UGT8: variants seen among roughly 807,000 people sequenced by gnomAD.
UGT8 encodes the protein 2-hydroxyacylsphingosine 1-beta-galactosyltransferase.
A neutral mutation model predicts 40.5 loss-of-function variants in UGT8; 12 were observed. That is an observed-to-expected ratio of 0.30 (90% confidence interval 0.19 to 0.48). The LOEUF (loss-of-function observed/expected upper bound fraction) is 0.48, where lower values mean the gene tolerates loss of function less well. UGT8 is among the 20% of genes least tolerant of loss of function. The probability of loss-of-function intolerance (pLI) is 0.99; values close to 1 mark genes in which losing one functional copy is unlikely to be tolerated. For missense variants in UGT8, 513 were observed against 648.7 expected, an observed-to-expected ratio of 0.79 and a Z score of 2.27; for synonymous variants, 224 against 240.4, an observed-to-expected ratio of 0.93 and a Z score of 0.63.
At chr4:114,619,785 G>A (rs941070111) in intron 1 of UGT8, among the ~76,000 whole-genome samples, 2 of 151,836 alleles carry the variant, frequency 1.3e-5, no homozygotes, top group Non-Finnish European at 2.9e-5. Flanking sequence ...AATGAAATCA[G>A]GAGAATACTT....
intron 2 of UGT8, among the ~76,000 whole-genome samples, chr4:114,653,116 A>G (rs903905264): frequency 3.9e-5 from 6 of 152,024 alleles, no homozygotes; most frequent in African/African-American, 1.4e-4. Context: ...AGATTATGAA[A>G]AGTGGGGAGT....
rs1373565465 is a variant in UGT8, at chr4:114,664,193, T to C, written c.965+56T>C. On this transcript the variant is annotated intron_variant, in intron 3 of 5. Transcript: ENST00000310836. Reference sequence around the variant, plus strand: ...TATTGACAATCAATATCTCCTTGTTTAGTGCACAGGTCCCAGTAAAGCACA... The same window carrying C: ...TATTGACAATCAATATCTCCTTGTTCAGTGCACAGGTCCCAGTAAAGCACA... 3 of 1,584,554 alleles carry C rather than the reference T, an allele frequency of 1.9e-6. No individual in the cohort carries two copies. The African/African-American group carries it at 4.0e-5, about 21-fold the overall frequency.
chr4:114,652,147 G>T (rs1733927500), intron 2 of UGT8, among the ~76,000 whole-genome samples: 1 of 152,084 alleles, frequency 6.6e-6, no homozygotes, highest in South Asian at 2.1e-4. Flanking sequence ...CATTTCAACT[G>T]ACCTGGAAGG....
chr4:114,674,207 C>T (rs1735475793), intron 5 of UGT8, among the ~76,000 whole-genome samples: 1 of 152,148 alleles, frequency 6.6e-6, no homozygotes, highest in Non-Finnish European at 1.5e-5. Context: ...TCTAGTGGCT[C>T]TCTCGACCTT....
chr4:114,648,003 G>A (rs1346246022), intron 2 of UGT8, among the ~76,000 whole-genome samples: 2 of 152,046 alleles, frequency 1.3e-5, no homozygotes, highest in Non-Finnish European at 2.9e-5. Flanking sequence ...ATGTCAGTTC[G>A]GTGCACTGTT....
chr4:114,645,277 A>C (rs915085456), intron 2 of UGT8, among the ~76,000 whole-genome samples: 3 of 152,202 alleles, frequency 2.0e-5, no homozygotes, highest in Admixed American at 2.0e-4. Context: ...AGTGCTTACC[A>C]TGAAGAAGTG....
In UGT8 at chr4:114,624,338, T is replaced by C. The variant is rs556392555; in HGVS notation, c.822+636T>C. Among the ~76,000 whole-genome samples the C allele has an allele frequency of 4.6e-5, 7 of 152,370 alleles. No individual in the cohort carries two copies. In the South Asian group the frequency reaches 1.2e-3, roughly 27 times the overall value. The stretch of plus-strand genomic sequence containing the variant: ...CTATGTGAAACTTAAATTCTTTTTA[T>C]TGATTGAGCCAACAGTAAATCCCTT... On this transcript the variant is annotated intron_variant, in intron 2 of 5. Coordinates refer to ENST00000310836, the MANE Select transcript of UGT8 (RefSeq NM_001128174.3).
intron 2 of UGT8, among the ~76,000 whole-genome samples, chr4:114,659,897 G>T (rs1479987591): frequency 6.6e-6 from 1 of 152,146 alleles, no homozygotes; most frequent in African/African-American, 2.4e-5. Flanking sequence ...TAGATCATTG[G>T]AACAGAATAG....
intron 2 of UGT8, among the ~76,000 whole-genome samples, chr4:114,660,284 G>A (rs1228639721): frequency 2.0e-5 from 3 of 152,000 alleles, no homozygotes; most frequent in Non-Finnish European, 4.4e-5. Context: ...TCTTTAAAAT[G>A]AATTAAATAT....
At chr4:114,625,509 TAAAAA>T (rs767102968) in intron 2 of UGT8, among the ~76,000 whole-genome samples, 48 of 75,272 alleles carry the variant, frequency 6.4e-4, no homozygotes, top group Admixed American at 3.8e-3. Context: ...AGACCCTGTC[TAAAAA>T]AAAAAAAAAA....
intron 2 of UGT8, among the ~76,000 whole-genome samples, chr4:114,646,984 C>T (rs1216166004): frequency 6.6e-6 from 1 of 152,028 alleles, no homozygotes; most frequent in East Asian, 1.9e-4. Context: ...AGCATGTTTC[C>T]GTCACTCGGA....
chr4:114,628,338 A>T (rs1455480941), intron 2 of UGT8, among the ~76,000 whole-genome samples: 1 of 151,864 alleles, frequency 6.6e-6, no homozygotes, highest in African/African-American at 2.4e-5. Flanking sequence ...CAGGGTTTCG[A>T]TATGTTGGCC....
chr4:114,620,438 G>A (rs1246864931), intron 1 of UGT8, among the ~76,000 whole-genome samples: 1 of 152,218 alleles, frequency 6.6e-6, no homozygotes, highest in Non-Finnish European at 1.5e-5. Context: ...GGCAACATTG[G>A]AGAGACACAT....
chr4:114,603,679 C>G (rs1730572486), intron 1 of UGT8, among the ~76,000 whole-genome samples: 1 of 152,074 alleles, frequency 6.6e-6, no homozygotes, highest in African/African-American at 2.4e-5. Context: ...AGCTCTGTGA[C>G]CTTGAGCTCA....
At chr4:114,650,427 G>A (rs1733833594) in intron 2 of UGT8, among the ~76,000 whole-genome samples, 1 of 152,124 alleles carries the variant, frequency 6.6e-6, no homozygotes, top group Admixed American at 6.6e-5. Context: ...CACATGCATA[G>A]CATTCCAATA....
intron 1 of UGT8, among the ~76,000 whole-genome samples, chr4:114,605,669 A>G (rs540896866): frequency 4.3e-4 from 66 of 152,170 alleles, no homozygotes; most frequent in Non-Finnish European, 8.7e-4. Context: ...CAAGTGAAAC[A>G]TCAAGTTTAA....
intron 2 of UGT8, among the ~76,000 whole-genome samples, chr4:114,626,541 A>G (rs945725989): frequency 3.3e-5 from 5 of 152,214 alleles, no homozygotes; most frequent in African/African-American, 1.2e-4. Context: ...ATCCTAAAGA[A>G]ATCCTGTAGA....
At chr4:114,661,797 T>C (rs1436750854) in intron 2 of UGT8, among the ~76,000 whole-genome samples, 3 of 152,206 alleles carry the variant, frequency 2.0e-5, no homozygotes, top group Admixed American at 2.0e-4. Flanking sequence ...AATAATATCT[T>C]CTAAAAGTAC....
chr4:114,635,224 A>G (rs1161085659), intron 2 of UGT8, among the ~76,000 whole-genome samples: 3 of 152,150 alleles, frequency 2.0e-5, no homozygotes, highest in South Asian at 2.1e-4. Flanking sequence ...GGTGGCACGC[A>G]CTTGTAATAC....
Sources: allele counts gnomAD v4.1 joint callset (sites outside exome capture counted in the v4.1 genomes callset), GRCh38; gene constraint gnomAD v4.1.1; transcripts MANE v1.5; gene names NCBI Gene and HGNC (gene_info 2026-07-23, HGNC 2026-07-21).